KCNJ5: variants seen among roughly 807,000 people sequenced by gnomAD.
KCNJ5 encodes potassium inwardly rectifying channel subfamily J member 5, also known as G protein-activated inward rectifier potassium channel 4.
Under a neutral mutation model 20.2 loss-of-function variants are expected in KCNJ5, and 12 were observed. The ratio of observed to expected loss-of-function variants is 0.59; its 90% confidence interval spans 0.38 to 0.96. The LOEUF (loss-of-function observed/expected upper bound fraction) is 0.96. Among genes scored for constraint, KCNJ5 ranks in the 40% least tolerant of loss-of-function variants. The pLI is 0.00. For synonymous variants in KCNJ5, 210 were observed against 213.9 expected, an observed-to-expected ratio of 0.98 and a Z score of 0.16; for missense variants, 449 against 557.6, an observed-to-expected ratio of 0.81 and a Z score of 1.96.
intron 1 of KCNJ5, chr11:128,902,862 C>A (rs934662726): frequency 1.2e-6 from 1 of 824,078 alleles, no homozygotes; most frequent in African/African-American, 1.7e-5. Flanking sequence ...AAATACGAAC[C>A]GGCAGCTGAC....
rs1261023408 is a variant in KCNJ5, at chr11:128,916,290, CTGGA to C, written c.938-101_938-98del. The C allele has an allele frequency of 4.6e-4, 182 of 399,600 alleles. No individual in the cohort carries two copies. The African/African-American group carries it at 8.9e-3, about 20-fold the overall frequency. The allele number at this position is 399,600 out of a possible 1,614,324, so 24.8% of individuals were successfully genotyped here. ...GATGGATGGATGGATGAACAGATGA[CTGGA>C]TGGATGGATGGATGGATAGATGGAT... On this transcript the variant is annotated intron_variant, in intron 2 of 2. Coordinates refer to ENST00000529694, the MANE Select transcript of KCNJ5 (RefSeq NM_000890.5).
Position 128,902,424 on chromosome 11 carries a change from G to A in KCNJ5, c.-10-8840G>A, listed in dbSNP as rs927562802. ...CCCAAGACACTGTTCTCTGCAGCAG[G>A]TTTGCACAGGGTGCCAGTTAGGGAG... On this transcript the variant is annotated intron_variant, in intron 1 of 2. Transcript: ENST00000529694. The A allele has an allele frequency of 5.9e-6, 7 of 1,188,406 alleles. No individual in the cohort carries two copies. In the African/African-American group the frequency reaches 9.0e-5, roughly 15 times the overall value. The allele number at this position is 1,188,406 out of a possible 1,614,324, so 73.6% of individuals were successfully genotyped here.
At chr11:128,906,493 C>T (rs1011100868) in intron 1 of KCNJ5, among the ~76,000 whole-genome samples, 1 of 152,168 alleles carries the variant, frequency 6.6e-6, no homozygotes, top group Non-Finnish European at 1.5e-5. Flanking sequence ...AGGGTGTCAG[C>T]GAGGCCAGCA....
At chr11:128,900,594 C>G (rs1009743788) in intron 1 of KCNJ5, 4 of 152,266 alleles carry the variant, frequency 2.6e-5, no homozygotes, top group Non-Finnish European at 5.9e-5. Flanking sequence ...CAGCCACCCC[C>G]CTTTGTTGTG....
At chr11:128,898,676 CTA>C (rs955192054) in intron 1 of KCNJ5, among the ~76,000 whole-genome samples, 1 of 151,926 alleles carries the variant, frequency 6.6e-6, no homozygotes, top group African/African-American at 2.4e-5. Context: ...TCTGATTTTT[CTA>C]TTTCTTTCTT....
chr11:128,903,060 G>T (rs2604212), intron 1 of KCNJ5, among the ~76,000 whole-genome samples: 1 of 151,928 alleles, frequency 6.6e-6, no homozygotes, highest in Admixed American at 6.6e-5. Flanking sequence ...ATGAACTAGA[G>T]CCGAGTAGCA....
chr11:128,915,799 A>ATGGC (rs1944567884), intron 2 of KCNJ5, among the ~76,000 whole-genome samples: 1 of 123,652 alleles, frequency 8.1e-6, no homozygotes, highest in South Asian at 2.2e-4. Flanking sequence ...AATTGGATGG[A>ATGGC]TGGATGGATG....
intron 1 of KCNJ5, among the ~76,000 whole-genome samples, chr11:128,910,771 C>A (rs186926855): frequency 6.6e-6 from 1 of 152,190 alleles, no homozygotes; most frequent in East Asian, 1.9e-4. Flanking sequence ...GTGGAGCTTA[C>A]ATTCTGATGG....
chr11:128,896,269 GA>G (rs1944175659), intron 1 of KCNJ5, among the ~76,000 whole-genome samples: 1 of 152,146 alleles, frequency 6.6e-6, no homozygotes, highest in Non-Finnish European at 1.5e-5. Flanking sequence ...TGCAGTTTCA[GA>G]AATAATGAAC....
At chr11:128,904,866 C>T (rs1296909626) in intron 1 of KCNJ5, among the ~76,000 whole-genome samples, 1 of 152,180 alleles carries the variant, frequency 6.6e-6, no homozygotes, top group Non-Finnish European at 1.5e-5. Context: ...ACCCGTAAAA[C>T]GTTCAGAAAT....
chr11:128,917,075 G>A lies in KCNJ5; in HGVS notation c.*344G>A, dbSNP rs1053601842. 9.2e-6 allele frequency: 2 copies of A among 218,280 alleles called. No homozygotes were observed. The highest frequency in any genetic ancestry group is 5.3e-5 in the Admixed American group (1 of 18,914). The allele number at this position is 218,280 out of a possible 1,614,324, so 13.5% of individuals were successfully genotyped here. ...TTTTGGGTCTCACAGACCCCTCCAG[G>A]GGCTGACACCTAGAGAGAACCATCA... On this transcript the variant is annotated 3_prime_UTR_variant, in exon 3 of 3. Coordinates refer to ENST00000529694, the MANE Select transcript of KCNJ5 (RefSeq NM_000890.5).
intron 1 of KCNJ5, among the ~76,000 whole-genome samples, chr11:128,908,059 TA>T (rs1944449281): frequency 1.3e-5 from 2 of 152,214 alleles, no homozygotes; most frequent in Admixed American, 6.5e-5. Context: ...TACTTACCCT[TA>T]AAAGAAATCT....
chr11:128,895,769 C>T lies in KCNJ5; in HGVS notation c.-11+4048C>T, dbSNP rs577483092. 9.8e-5 allele frequency among the ~76,000 whole-genome samples: 15 copies of T among 152,368 alleles called. No homozygotes were observed. The East Asian group carries it at 1.9e-3, about 20-fold the overall frequency. ...GAGAGACTCCAGCATCCGTGCTGCG[C>T]GCCCTTAGGGAGAGGCACAGGCATC... is the stretch of plus-strand genomic sequence containing the variant. On this transcript the variant is annotated intron_variant, in intron 1 of 2. Transcript: ENST00000529694.
At position 128,916,281 on chromosome 11, in the gene KCNJ5, A is replaced by ATGGATGGATGGATGG. The variant is rs1409444934; in HGVS notation, c.938-128_938-127insTGGATGGATGGATGG. 1.3e-5 allele frequency: 3 copies of ATGGATGGATGGATGG among 239,374 alleles called. No individual in the cohort carries two copies. In the African/African-American group the frequency reaches 3.6e-4, roughly 29 times the overall value. 14.8% of individuals were successfully genotyped at this position (239,374 alleles called of 1,614,324 possible). ...GGATGGATGGATGGATGGATGGATG[A>ATGGATGGATGGATGG]ACAGATGACTGGATGGATGGATGGA... is the stretch of plus-strand genomic sequence containing the variant. On this transcript the variant is annotated intron_variant, in intron 2 of 2. Coordinates refer to ENST00000529694, the MANE Select transcript of KCNJ5 (RefSeq NM_000890.5).
At chr11:128,893,377 T>C (rs1401980982) in intron 1 of KCNJ5, among the ~76,000 whole-genome samples, 2 of 151,556 alleles carry the variant, frequency 1.3e-5, no homozygotes, top group Non-Finnish European at 2.9e-5. Flanking sequence ...GTAAGGGGAT[T>C]ACTTGAGCCC....
At position 128,919,778 on chromosome 11, in the gene KCNJ5, C is replaced by T. The variant is rs947090728; in HGVS notation, c.*3047C>T. 7 of 152,348 alleles carry T rather than the reference C, an allele frequency of 4.6e-5. No individual in the cohort carries two copies. Among genetic ancestry groups the T allele is most frequent in the African/African-American group, 1.7e-4 (7 of 41,462 alleles). 9.4% of individuals were successfully genotyped at this position (152,348 alleles called of 1,614,324 possible). A position where few individuals can be genotyped will look rare whatever the true frequency, so the allele number is the denominator to read the frequency against. On this transcript the variant is annotated 3_prime_UTR_variant, in exon 3 of 3. Coordinates refer to ENST00000529694, the MANE Select transcript of KCNJ5 (RefSeq NM_000890.5). ...CCACCTCCCAGGTTCAAGCGATTCT[C>T]ATGCTTCAGCCTCCTGAGTAGCTGG...
chr11:128,892,218 G>T (rs1232130669), intron 1 of KCNJ5, among the ~76,000 whole-genome samples: 1 of 152,244 alleles, frequency 6.6e-6, no homozygotes. Flanking sequence ...CGCTGCCCAA[G>T]TCACTTCCTG....
chr11:128,915,388 ATG>A (rs1565553975), intron 2 of KCNJ5, among the ~76,000 whole-genome samples: 3 of 152,152 alleles, frequency 2.0e-5, no homozygotes, highest in African/African-American at 7.2e-5. Flanking sequence ...GTGTGTGTGT[ATG>A]TGAGTGTGGA....
At chr11:128,903,347 G>C in intron 1 of KCNJ5, 8 of 1,613,692 alleles carry the variant, frequency 5.0e-6, no homozygotes, top group Non-Finnish European at 5.9e-6. Flanking sequence ...GGAAGAACGC[G>C]ATCCGGCAGC....
Sources: gnomAD v4.1 joint callset for allele counts (sites outside exome capture counted in the v4.1 genomes callset) on GRCh38, gnomAD v4.1.1 for gene constraint, MANE v1.5 for transcripts, NCBI Gene and HGNC (gene_info 2026-07-23, HGNC 2026-07-21) for gene names.